PPM1L: variants seen among roughly 807,000 people sequenced by gnomAD.
PPM1L encodes protein phosphatase 1L.
A neutral mutation model predicts 31.4 loss-of-function variants in PPM1L; 13 were observed. That is an observed-to-expected ratio of 0.41 (90% CI 0.27 to 0.66). The LOEUF (loss-of-function observed/expected upper bound fraction) is 0.66, where lower values mean the gene tolerates loss of function less well. Among genes scored for constraint, PPM1L ranks in the 30% least tolerant of loss-of-function variants. The pLI is 0.29. For synonymous variants in PPM1L, 184 were observed against 175.4 expected (o/e 1.05, Z -0.39); for missense variants, 326 against 453.7 (o/e 0.72, Z 2.56).
Position 160,984,138 on chromosome 3 carries a change from C to T in PPM1L, c.574+22228C>T, listed in dbSNP as rs555209039. Among the ~76,000 whole-genome samples the T allele has an allele frequency of 8.5e-5, 13 of 152,278 alleles. No individual in the cohort carries two copies. In the South Asian group the frequency reaches 2.7e-3, roughly 32 times the overall value. ...CTGGAATTTCCTAATCCTAGCAAGC[C>T]TTGGGGCACTGCAGGAGACTAGGGC... On this transcript the variant is annotated intron_variant, in intron 2 of 3. Coordinates refer to ENST00000498165, the MANE Select transcript of PPM1L (RefSeq NM_139245.4).
chr3:160,815,134 C>G (rs770084757), intron 1 of PPM1L, among the ~76,000 whole-genome samples: 2 of 151,916 alleles, frequency 1.3e-5, no homozygotes, highest in East Asian at 3.9e-4. Flanking sequence ...AATGAAATAC[C>G]ACCTGTTCCC....
At chr3:160,890,708 G>A (rs1001596036) in intron 1 of PPM1L, among the ~76,000 whole-genome samples, 2 of 152,274 alleles carry the variant, frequency 1.3e-5, no homozygotes, top group Admixed American at 1.3e-4. Flanking sequence ...GAGGCATCAT[G>A]CTACCTGACT....
At chr3:160,850,626 A>G (rs948208388) in intron 1 of PPM1L, among the ~76,000 whole-genome samples, 1 of 152,112 alleles carries the variant, frequency 6.6e-6, no homozygotes, top group Non-Finnish European at 1.5e-5. Flanking sequence ...CCAGCCATCC[A>G]ATAAGTATAC....
At chr3:160,940,605 A>T (rs1576728331) in intron 1 of PPM1L, among the ~76,000 whole-genome samples, 1 of 152,194 alleles carries the variant, frequency 6.6e-6, no homozygotes, top group South Asian at 2.1e-4. Context: ...GGCAGCTTTC[A>T]TGTTGTATTG....
At chr3:160,850,127 A>C (rs1245309285) in intron 1 of PPM1L, among the ~76,000 whole-genome samples, 2 of 152,220 alleles carry the variant, frequency 1.3e-5, no homozygotes, top group Non-Finnish European at 2.9e-5. Context: ...AGAGGTTCCC[A>C]TGAGTGTGTC....
At chr3:160,988,231 T>C (rs1717028396) in intron 2 of PPM1L, among the ~76,000 whole-genome samples, 1 of 152,200 alleles carries the variant, frequency 6.6e-6, no homozygotes. Flanking sequence ...GTTTACGTTA[T>C]TAATGTTTAT....
intron 1 of PPM1L, among the ~76,000 whole-genome samples, chr3:160,832,888 A>T (rs570486340): frequency 6.6e-6 from 1 of 152,190 alleles, no homozygotes; most frequent in East Asian, 1.9e-4. Flanking sequence ...CCCAGCATGC[A>T]TTAGCTCTTT....
intron 2 of PPM1L, among the ~76,000 whole-genome samples, chr3:161,007,218 C>T (rs1294554161): frequency 3.3e-5 from 5 of 152,164 alleles, no homozygotes; most frequent in African/African-American, 1.2e-4. Context: ...GTGTCAAGGG[C>T]TCCAGAATAA....
chr3:160,791,895 T>C (rs957443436), intron 1 of PPM1L, among the ~76,000 whole-genome samples: 13 of 152,114 alleles, frequency 8.5e-5, no homozygotes, highest in African/African-American at 3.1e-4. Flanking sequence ...TGAGTTTTTT[T>C]TATTTTAGAA....
chr3:160,849,420 T>TTTC (rs1365672881), intron 1 of PPM1L, among the ~76,000 whole-genome samples: 15 of 136,114 alleles, frequency 1.1e-4, no homozygotes, highest in African/African-American at 4.1e-4. Flanking sequence ...TCTTTCTTTC[T>TTTC]TTTTTTTTTT....
At chr3:160,803,736 T>G (rs1217981322) in intron 1 of PPM1L, among the ~76,000 whole-genome samples, 1 of 152,240 alleles carries the variant, frequency 6.6e-6, no homozygotes, top group Non-Finnish European at 1.5e-5. Flanking sequence ...TTTAGCTATT[T>G]AATTATGCAT....
At chr3:160,815,101 A>G (rs1478681671) in intron 1 of PPM1L, among the ~76,000 whole-genome samples, 1 of 152,070 alleles carries the variant, frequency 6.6e-6, no homozygotes, top group South Asian at 2.1e-4. Context: ...CTCAGAAATC[A>G]CCACTAAGGA....
At chr3:160,899,452 A>G (rs886893529) in intron 1 of PPM1L, among the ~76,000 whole-genome samples, 8 of 152,220 alleles carry the variant, frequency 5.3e-5, no homozygotes, top group African/African-American at 1.9e-4. Context: ...AATAGAAGGC[A>G]CAGAATGGTT....
intron 1 of PPM1L, among the ~76,000 whole-genome samples, chr3:160,837,523 T>C (rs1467244397): frequency 6.6e-6 from 1 of 152,228 alleles, no homozygotes; most frequent in Non-Finnish European, 1.5e-5. Context: ...CCCTTCCTTC[T>C]TTTTTATGAC....
Position 160,913,237 on chromosome 3 carries a change from A to C in PPM1L, c.400-48499A>C, listed in dbSNP as rs371428775. 1.5e-3 allele frequency among the ~76,000 whole-genome samples: 225 copies of C among 152,274 alleles called. 4 individuals carry two copies. The South Asian group carries it at 0.045, about 30-fold the overall frequency. Reference sequence around the variant, plus strand: ...GAAGGAGATAATGCACAAAAAGTTAAATTATGAGGTCACAGAATAGGTAAA... The same window carrying C: ...GAAGGAGATAATGCACAAAAAGTTACATTATGAGGTCACAGAATAGGTAAA... On this transcript the variant is annotated intron_variant, in intron 1 of 3. Coordinates refer to ENST00000498165, the MANE Select transcript of PPM1L (RefSeq NM_139245.4).
intron 1 of PPM1L, among the ~76,000 whole-genome samples, chr3:160,937,011 T>G (rs973627442): frequency 6.6e-6 from 1 of 152,248 alleles, no homozygotes; most frequent in African/African-American, 2.4e-5. Context: ...CTTAGCTTAG[T>G]GCCTGGCCTA....
intron 1 of PPM1L, among the ~76,000 whole-genome samples, chr3:160,805,106 C>T (rs1485972637): frequency 6.6e-6 from 1 of 152,182 alleles, no homozygotes; most frequent in Non-Finnish European, 1.5e-5. Flanking sequence ...GGGCCTAGAG[C>T]CCTAGCCCAG....
chr3:160,922,081 C>T (rs551748195), intron 1 of PPM1L, among the ~76,000 whole-genome samples: 144 of 152,154 alleles, frequency 9.5e-4, no homozygotes, highest in Non-Finnish European at 3.8e-4. Flanking sequence ...GAGGCCAAGG[C>T]GGGCAGATCA....
chr3:161,059,131 C>T (rs1323812656), intron 2 of PPM1L, among the ~76,000 whole-genome samples: 1 of 152,150 alleles, frequency 6.6e-6, no homozygotes, highest in Non-Finnish European at 1.5e-5. Flanking sequence ...TGCTGAAGTA[C>T]ATATTGAGTT....
Sources: allele counts gnomAD v4.1 joint callset (sites outside exome capture counted in the v4.1 genomes callset), GRCh38; gene constraint gnomAD v4.1.1; transcripts MANE v1.5; gene names NCBI Gene and HGNC (gene_info 2026-07-23, HGNC 2026-07-21).